Variants in ANKS1B observed in about 807,000 individuals in gnomAD.
ANKS1B encodes the protein ankyrin repeat and sterile alpha motif domain-containing protein 1B.
Under a neutral mutation model 148.3 loss-of-function variants are expected in ANKS1B, and 36 were observed. The ratio of observed to expected loss-of-function variants is 0.24; its 90% CI spans 0.19 to 0.32. ANKS1B has a LOEUF of 0.32. Among genes scored for constraint, ANKS1B ranks in the 10% least tolerant of loss-of-function variants. ANKS1B has a pLI of 1.00. For missense variants in ANKS1B, 1,157 were observed against 1,542.6 expected (o/e 0.75, Z 4.19); for synonymous variants, 542 against 560.8 (o/e 0.97, Z 0.47).
intron 17 of ANKS1B, among the ~76,000 whole-genome samples, chr12:98,869,749 A>G (rs2099643853): frequency 6.6e-6 from 1 of 151,966 alleles, no homozygotes; most frequent in African/African-American, 2.4e-5. Context: ...TTAGATGTTA[A>G]TGTTTAGCCA....
At chr12:98,953,313 G>A (rs563805502) in intron 17 of ANKS1B, among the ~76,000 whole-genome samples, 23 of 151,914 alleles carry the variant, frequency 1.5e-4, no homozygotes, top group Non-Finnish European at 2.5e-4. Context: ...GAGCCACTGC[G>A]CTAGGCCTAA....
In ANKS1B at chr12:99,359,420, A is replaced by C. The variant is rs1027859931; in HGVS notation, c.1756+40211T>G. ...CCTATGTGGCTTGAATAAAACCATA[A>C]ATAATTACTTTCTAAAAAGATTGAA... On this transcript the variant is annotated intron_variant, in intron 12 of 26. Transcript: ENST00000683438. Among the ~76,000 whole-genome samples, 16 of 152,212 alleles carry C rather than the reference A, an allele frequency of 1.1e-4. No homozygotes were observed. In the South Asian group the frequency reaches 1.7e-3, roughly 16 times the overall value.
At chr12:99,282,655 A>G (rs2078630328) in intron 12 of ANKS1B, among the ~76,000 whole-genome samples, 1 of 152,206 alleles carries the variant, frequency 6.6e-6, no homozygotes, top group African/African-American at 2.4e-5. Context: ...AGAACTAACA[A>G]GATTTACTGA....
At chr12:98,762,287 T>A (rs1486965560) in intron 25 of ANKS1B, among the ~76,000 whole-genome samples, 1 of 152,126 alleles carries the variant, frequency 6.6e-6, no homozygotes, top group African/African-American at 2.4e-5. Flanking sequence ...GACCTATTGG[T>A]CCCTTTCCAC....
At position 99,410,297 on chromosome 12, in the gene ANKS1B, CCT is replaced by C. The variant is rs1191995252; in HGVS notation, c.1576-10488_1576-10487del. ...CAGAGTGTAGTAGTTGTAACGTAGACCTTATGAACGAAGACTTAACTATTTTA... is the reference window on the plus strand; with the variant it reads ...CAGAGTGTAGTAGTTGTAACGTAGACTATGAACGAAGACTTAACTATTTTA... On this transcript the variant is annotated intron_variant, in intron 11 of 26. Coordinates refer to ENST00000683438, the MANE Select transcript of ANKS1B (RefSeq NM_001352186.2). Among the ~76,000 whole-genome samples, 3 of 151,868 alleles carry C rather than the reference CCT, an allele frequency of 2.0e-5. No homozygotes were observed. In the East Asian group the frequency reaches 5.8e-4, roughly 29 times the overall value.
intron 19 of ANKS1B, among the ~76,000 whole-genome samples, chr12:98,827,344 T>G (rs529779538): frequency 8.0e-4 from 122 of 152,330 alleles, no homozygotes; most frequent in Non-Finnish European, 1.5e-3. Context: ...CACTCGATCA[T>G]CGTTAGTACT....
intron 14 of ANKS1B, among the ~76,000 whole-genome samples, chr12:99,164,078 G>A (rs530321171): frequency 2.6e-5 from 4 of 152,082 alleles, no homozygotes; most frequent in African/African-American, 7.2e-5. Flanking sequence ...TTGTTAAAAC[G>A]TCTGTTCATG....
At chr12:99,906,573 A>G (rs951633134) in intron 1 of ANKS1B, among the ~76,000 whole-genome samples, 5 of 152,108 alleles carry the variant, frequency 3.3e-5, no homozygotes, top group Admixed American at 2.0e-4. Flanking sequence ...TATTCATCTC[A>G]TCTTCTTCTC....
chr12:98,900,699 C>T (rs1158212169), intron 17 of ANKS1B, among the ~76,000 whole-genome samples: 1 of 152,188 alleles, frequency 6.6e-6, no homozygotes, highest in Non-Finnish European at 1.5e-5. Context: ...TCACTAAAGA[C>T]AGCTGTCCCA....
intron 11 of ANKS1B, among the ~76,000 whole-genome samples, chr12:99,413,760 T>G (rs2094799422): frequency 6.6e-6 from 1 of 152,298 alleles, no homozygotes; most frequent in South Asian, 2.1e-4. Flanking sequence ...TAAAACAGAC[T>G]GTAGGGACTC....
chr12:99,934,429 T>C (rs1046746651), intron 1 of ANKS1B, among the ~76,000 whole-genome samples: 1 of 152,148 alleles, frequency 6.6e-6, no homozygotes, highest in East Asian at 1.9e-4. Flanking sequence ...GACTTTTTAT[T>C]ACAGCTCAGT....
At chr12:99,542,323 TA>T (rs1185692852) in intron 9 of ANKS1B, among the ~76,000 whole-genome samples, 5 of 152,044 alleles carry the variant, frequency 3.3e-5, no homozygotes, top group Non-Finnish European at 7.4e-5. Context: ...TAGAATAAAA[TA>T]AATTACTTAG....
At chr12:99,013,745 A>T in intron 17 of ANKS1B, among the ~76,000 whole-genome samples, 1 of 152,190 alleles carries the variant, frequency 6.6e-6, no homozygotes, top group Non-Finnish European at 1.5e-5. Context: ...CCAAATCATG[A>T]ACTCTCATTC....
chr12:99,839,920 G>C lies in ANKS1B; in HGVS notation c.135-14531C>G, dbSNP rs371320377. Among the ~76,000 whole-genome samples, 21 of 151,696 alleles carry C rather than the reference G, an allele frequency of 1.4e-4. No individual in the cohort carries two copies. The East Asian group carries it at 3.5e-3, about 25-fold the overall frequency. ...TCATGTCTTTTAATTACTGCTGCTA[G>C]TTAGAACACTGTGTTTTTCAAATTC... On this transcript the variant is annotated intron_variant, in intron 1 of 26. Coordinates refer to ENST00000683438, the MANE Select transcript of ANKS1B (RefSeq NM_001352186.2).
chr12:99,648,009 T>C, intron 9 of ANKS1B: 1 of 932,820 alleles, frequency 1.1e-6, no homozygotes, highest in Non-Finnish European at 1.6e-6. Context: ...TGGTAATCAA[T>C]ACCCCACCCT....
intron 1 of ANKS1B, among the ~76,000 whole-genome samples, chr12:99,909,249 TG>T (rs2093912367): frequency 6.6e-6 from 1 of 151,480 alleles, no homozygotes; most frequent in Non-Finnish European, 1.5e-5. Context: ...TGTGTGTGTG[TG>T]TGTGTGTGTG....
intron 11 of ANKS1B, among the ~76,000 whole-genome samples, chr12:99,442,762 A>G (rs1409185217): frequency 6.6e-6 from 1 of 151,944 alleles, no homozygotes; most frequent in Admixed American, 6.6e-5. Context: ...TATTAAACAA[A>G]TCTTGCTTAT....
chr12:99,255,071 C>A (rs1438207722), intron 12 of ANKS1B, among the ~76,000 whole-genome samples: 2 of 152,126 alleles, frequency 1.3e-5, no homozygotes, highest in Non-Finnish European at 2.9e-5. Flanking sequence ...AAGATTGGAA[C>A]GATATGTTTC....
intron 14 of ANKS1B, among the ~76,000 whole-genome samples, chr12:99,186,890 GA>G (rs2079935912): frequency 6.6e-6 from 1 of 151,812 alleles, no homozygotes; most frequent in Non-Finnish European, 1.5e-5. Context: ...CGAATTGACA[GA>G]AGTAGGCTTC....
Sources: gnomAD v4.1 joint callset for allele counts (sites outside exome capture counted in the v4.1 genomes callset) on GRCh38, gnomAD v4.1.1 for gene constraint, MANE v1.5 for transcripts, NCBI Gene and HGNC (gene_info 2026-07-23, HGNC 2026-07-21) for gene names.